The following EGLN1 variants were observed in gnomAD, a reference collection of about 807,000 sequenced individuals.
The protein encoded by EGLN1 is egl nine homolog 1.
EGLN1 carries 17 observed loss-of-function variants against 38.3 expected under a neutral mutation model. The ratio of observed to expected loss-of-function variants is 0.44; its 90% CI spans 0.30 to 0.67. EGLN1 has a LOEUF of 0.67. Among genes scored for constraint, EGLN1 ranks in the 30% least tolerant of loss-of-function variants. The pLI is 0.08. For missense variants in EGLN1, 477 were observed against 603.3 expected, an observed-to-expected ratio of 0.79 and a Z score of 2.19; for synonymous variants, 283 against 257.5, an observed-to-expected ratio of 1.10 and a Z score of -0.95.
intron 1 of EGLN1, among the ~76,000 whole-genome samples, chr1:231,408,200 G>A (rs542655938): frequency 6.6e-6 from 1 of 152,164 alleles, no homozygotes; most frequent in Non-Finnish European, 1.5e-5. Context: ...GGATATCTGG[G>A]AAGCAGACTT....
Position 231,421,913 on chromosome 1 carries a change from G to A in EGLN1, c.-25C>T, listed in dbSNP as rs1051811828. 1 of 1,384,294 alleles carries A rather than the reference G, an allele frequency of 7.2e-7. No homozygotes were observed. Among genetic ancestry groups the A allele is most frequent in the Non-Finnish European group, 9.3e-7 (1 of 1,079,498 alleles). The allele number at this position is 1,384,294 out of a possible 1,614,324, so 85.8% of individuals were successfully genotyped here. On this transcript the variant is annotated 5_prime_UTR_variant, in exon 1 of 5. Transcript: ENST00000366641. The surrounding 1 kb of genome is among the most constrained non-coding windows in gnomAD (Gnocchi z 5.5). ...TGGCGGCGGCGGCGGCGGCGACGGC[G>A]ACTGCGGCGGCCGAGCAGGAGGGGT...
intron 1 of EGLN1, among the ~76,000 whole-genome samples, chr1:231,418,103 T>C (rs1388964288): frequency 6.6e-6 from 1 of 152,150 alleles, no homozygotes; most frequent in Non-Finnish European, 1.5e-5. Flanking sequence ...CACTATAATG[T>C]TATGAAGGAT....
At chr1:231,419,895 G>A (rs1457914587) in intron 1 of EGLN1, among the ~76,000 whole-genome samples, 3 of 152,196 alleles carry the variant, frequency 2.0e-5, no homozygotes, top group Non-Finnish European at 4.4e-5. Context: ...GTTAGAGTCA[G>A]CGTGTGTGTA....
chr1:231,400,842 G>C (rs1338437699), intron 1 of EGLN1, among the ~76,000 whole-genome samples: 1 of 152,122 alleles, frequency 6.6e-6, no homozygotes, highest in Non-Finnish European at 1.5e-5. Flanking sequence ...TTGAGGTCAG[G>C]AGTTCAAGAC....
At position 231,366,484 on chromosome 1, in the gene EGLN1, T is replaced by G; in HGVS notation, c.1217-9A>C. The G allele has an allele frequency of 8.2e-7, 1 of 1,222,552 alleles. No homozygotes were observed. The highest frequency in any genetic ancestry group is 1.1e-6 in the Non-Finnish European group (1 of 875,280). 75.7% of individuals were successfully genotyped at this position (1,222,552 alleles called of 1,614,324 possible). On this transcript the variant is annotated splice_polypyrimidine_tract_variant and intron_variant, in intron 4 of 4. Transcript: ENST00000366641. ...CCTCACACCTTTTTCACCTGCAAGG[T>G]AAAAAAAAAAAAAATTTTCATTCAT...
At chr1:231,373,668 TCGTGTGTG>T (rs1357026541) in intron 2 of EGLN1, among the ~76,000 whole-genome samples, 2 of 128,904 alleles carry the variant, frequency 1.6e-5, no homozygotes, top group African/African-American at 3.2e-5. Flanking sequence ...TCCCCTAACC[TCGTGTGTG>T]CGTGTGTGTG....
intron 1 of EGLN1, among the ~76,000 whole-genome samples, chr1:231,384,011 G>A (rs1040687450): frequency 1.3e-5 from 2 of 152,008 alleles, no homozygotes; most frequent in African/African-American, 4.8e-5. Context: ...TCTACTTGTA[G>A]AGGATGGCCC....
chr1:231,421,736 C>A lies in EGLN1; in HGVS notation c.153G>T (p.Trp51Cys), dbSNP rs1656625636. 1.3e-6 allele frequency: 2 copies of A among 1,540,630 alleles called. No individual in the cohort carries two copies. Among genetic ancestry groups the A allele is most frequent in the Admixed American group, 1.9e-5 (1 of 52,752 alleles). The part of the protein sequence containing the change: ...YCCKEHQRQD[W>C]KKHKLVCQGS... ...CCTGGCACACGAGCTTGTGCTTCTT[C>A]CAGTCCTGACGCTGGTGCTCCTTGC... Residue 51 changes from tryptophan to cysteine, a missense_variant, in exon 1 of 5, where the codon TGG (tryptophan) becomes TGT (cysteine). This residue lies in a region of EGLN1 where 298 missense variants were observed against 288.9 expected (regional missense o/e 1.03). Transcript: ENST00000366641. The surrounding 1 kb of genome is among the most constrained non-coding windows in gnomAD (Gnocchi z 5.5).
intron 1 of EGLN1, among the ~76,000 whole-genome samples, chr1:231,405,558 C>G (rs1345850456): frequency 6.6e-6 from 1 of 152,104 alleles, no homozygotes; most frequent in East Asian, 1.9e-4. Flanking sequence ...AGCATTACTC[C>G]CATTTCATAG....
rs538383908 is a variant in EGLN1, at chr1:231,367,075, C to A, written c.1216+494G>T. 7.7e-4 allele frequency among the ~76,000 whole-genome samples: 118 copies of A among 152,312 alleles called. 1 individual carries two copies. Among genetic ancestry groups the A allele is most frequent in the African/African-American group, 2.7e-3 (112 of 41,556 alleles). ...TACAAGAGTGCTGACCTATGTACAC[C>A]ATTAGCAGATATGGAATCTACATGT... is the stretch of plus-strand genomic sequence containing the variant. On this transcript the variant is annotated intron_variant, in intron 4 of 4. Transcript: ENST00000366641.
intron 1 of EGLN1, among the ~76,000 whole-genome samples, chr1:231,380,464 G>GTGTA (rs145664309): frequency 0.54 from 82,291 of 151,328 alleles, 23,946 homozygotes; most frequent in Non-Finnish European, 0.65. Context: ...TAAATGATAG[G>GTGTA]TATATATATA....
intron 2 of EGLN1, among the ~76,000 whole-genome samples, chr1:231,372,422 G>A (rs1326996898): frequency 2.0e-5 from 3 of 152,064 alleles, no homozygotes; most frequent in East Asian, 1.9e-4. Context: ...ACACATTAAT[G>A]ACCCTGACTA....
intron 1 of EGLN1, among the ~76,000 whole-genome samples, chr1:231,418,606 G>C (rs1364653828): frequency 6.6e-6 from 1 of 152,174 alleles, no homozygotes; most frequent in Non-Finnish European, 1.5e-5. Context: ...GTTCAAGTCT[G>C]TAACCACAGT....
Position 231,421,444 on chromosome 1 carries a change from GCTC to G in EGLN1, c.442_444del (p.Glu148del). The G allele has an allele frequency of 6.6e-7, 1 of 1,514,364 alleles. No homozygotes were observed. Among genetic ancestry groups the G allele is most frequent in the Non-Finnish European group, 8.9e-7 (1 of 1,128,930 alleles). The allele number at this position is 1,514,364 out of a possible 1,614,324, so 93.8% of individuals were successfully genotyped here. A position where few individuals can be genotyped will look rare whatever the true frequency, so the allele number is the denominator to read the frequency against. ...TGGAACAGCGATGAGCGGGCCGGCG[GCTC>G]CTCCTTGCCGGGCTCGGCTTCGGCA... On this transcript the variant is annotated inframe_deletion, in exon 1 of 5. Coordinates refer to ENST00000366641, the MANE Select transcript of EGLN1 (RefSeq NM_022051.3). This position sits in a 1 kb window ranked among gnomAD's most constrained non-coding sequence, Gnocchi z 5.5.
At chr1:231,373,677 C>CGTGTGTGTGTGTGTGTGT (rs60871560) in intron 2 of EGLN1, among the ~76,000 whole-genome samples, 12 of 91,242 alleles carry the variant, frequency 1.3e-4, no homozygotes, top group Non-Finnish European at 2.7e-4. Context: ...CTCGTGTGTG[C>CGTGTGTGTGTGTGTGTGT]GTGTGTGTGT....
At chr1:231,410,641 T>C (rs1688914055) in intron 1 of EGLN1, among the ~76,000 whole-genome samples, 1 of 151,968 alleles carries the variant, frequency 6.6e-6, no homozygotes, top group Admixed American at 6.6e-5. Flanking sequence ...AAGTTCCTTC[T>C]ACATACACAT....
intron 1 of EGLN1, among the ~76,000 whole-genome samples, chr1:231,419,689 G>A (rs1053144699): frequency 1.3e-5 from 2 of 152,108 alleles, no homozygotes; most frequent in Non-Finnish European, 2.9e-5. Flanking sequence ...AAGACTACAA[G>A]AAATTAAGAC....
At chr1:231,393,898 AATCAGTCAC>A (rs1688453370) in intron 1 of EGLN1, among the ~76,000 whole-genome samples, 1 of 152,188 alleles carries the variant, frequency 6.6e-6, no homozygotes. Flanking sequence ...CCTGTTATCT[AATCAGTCAC>A]AAAGCCCTGT....
rs144363716 is a variant in EGLN1, at chr1:231,421,277, C to T, written c.612G>A (p.Lys204=). ...AGTCGTCCACCACACAGATGCCGTG[C>T]TTGTTCATGCACGGCACGATGTACT... ...ALEYIVPCMN[K]HGICVVDDFL... is the part of the protein sequence containing the mutation. Residue 204 remains lysine (K), a synonymous_variant, in exon 1 of 5, where the codon AAG becomes AAA. Transcript: ENST00000366641. The surrounding 1 kb of genome is among the most constrained non-coding windows in gnomAD (Gnocchi z 5.5). 5.6e-6 allele frequency: 9 copies of T among 1,613,448 alleles called. No homozygotes were observed. In the African/African-American group the frequency reaches 1.2e-4, roughly 22 times the overall value.
Sources: allele counts gnomAD v4.1 joint callset (sites outside exome capture counted in the v4.1 genomes callset), GRCh38; gene constraint gnomAD v4.1.1; regional missense constraint gnomAD v4.1.1; non-coding constraint Gnocchi (gnomAD v3.1); transcripts MANE v1.5; gene names NCBI Gene and HGNC (gene_info 2026-07-23, HGNC 2026-07-21).